The following COL11A2 variants were observed in gnomAD, a reference collection of about 807,000 sequenced individuals.
COL11A2 encodes collagen type XI alpha 2 chain, also known as collagen alpha-2(XI) chain.
In COL11A2, 116 loss-of-function variants were observed where a neutral mutation model predicts 273.4. That is an observed-to-expected ratio of 0.42 (90% CI 0.36 to 0.49). COL11A2 has a LOEUF of 0.49. Ranked by LOEUF, COL11A2 falls within the 20% of genes least tolerant of loss-of-function variation. The probability of loss-of-function intolerance (pLI) is 0.00; values close to 1 mark genes in which losing one functional copy is unlikely to be tolerated. For missense variants in COL11A2, 1,866 were observed against 2,309.0 expected (o/e 0.81, Z 3.93); for synonymous variants, 782 against 864.2 (o/e 0.90, Z 1.67).
Position 33,173,264 on chromosome 6 carries a change from G to T in COL11A2, c.2736+84C>A. 6.4e-7 allele frequency: 1 copy of T among 1,572,836 alleles called. No homozygotes were observed. The highest frequency in any genetic ancestry group is 8.7e-7 in the Non-Finnish European group (1 of 1,151,150). ...GCAGGCTCCACTCTGCCAGGAGAAC[G>T]TCCCTGTGGGCTTTCCAGACAGCTC... On this transcript the variant is annotated intron_variant, in intron 37 of 65. Coordinates refer to ENST00000341947, the MANE Select transcript of COL11A2 (RefSeq NM_080680.3). The surrounding 1 kb of genome is among the most constrained non-coding windows in gnomAD (Gnocchi z 6.3).
At position 33,164,781 on chromosome 6, in the gene COL11A2, C is replaced by A; in HGVS notation, c.4863+71G>T. 1 of 1,399,552 alleles carries A rather than the reference C, an allele frequency of 7.1e-7. No individual in the cohort carries two copies. The highest frequency in any genetic ancestry group is 9.9e-7 in the Non-Finnish European group (1 of 1,014,272). The allele number at this position is 1,399,552 out of a possible 1,614,324, so 86.7% of individuals were successfully genotyped here. A position where few individuals can be genotyped will look rare whatever the true frequency, so the allele number is the denominator to read the frequency against. ...AACAGCCAGGGGACTGTCACCAAAA[C>A]CCAGAAACCACTAAGCCCTGAGGGG... is the stretch of plus-strand genomic sequence containing the variant. On this transcript the variant is annotated intron_variant, in intron 64 of 65. Transcript: ENST00000341947. The surrounding 1 kb of genome is among the most constrained non-coding windows in gnomAD (Gnocchi z 4.7).
Position 33,173,674 on chromosome 6 carries a change from G to A in COL11A2, c.2628+27C>T, listed in dbSNP as rs752140034. 3 of 1,562,750 alleles carry A rather than the reference G, an allele frequency of 1.9e-6. No individual in the cohort carries two copies. The South Asian group carries it at 3.6e-5, about 19-fold the overall frequency. ...ACCCAGGCTCCCTGGGGACCTCAGG[G>A]GAAGGGGACTTTCGATCCACACTCA... On this transcript the variant is annotated intron_variant, in intron 35 of 65. Transcript: ENST00000341947. The surrounding 1 kb of genome is among the most constrained non-coding windows in gnomAD (Gnocchi z 6.3).
In COL11A2 at chr6:33,176,001, G is replaced by T; in HGVS notation, c.2268+15C>A. 1 of 1,612,956 alleles carries T rather than the reference G, an allele frequency of 6.2e-7. No individual in the cohort carries two copies. Among genetic ancestry groups the T allele is most frequent in the African/African-American group, 1.3e-5 (1 of 75,008 alleles). On this transcript the variant is annotated intron_variant, in intron 29 of 65. Coordinates refer to ENST00000341947, the MANE Select transcript of COL11A2 (RefSeq NM_080680.3). The surrounding 1 kb of genome is among the most constrained non-coding windows in gnomAD (Gnocchi z 4.9). ...TAGAACACGGAATTGGGGCCAGTGT[G>T]GGGTCTCTACTCACCCTGTCACCTT...
At position 33,169,157 on chromosome 6, in the gene COL11A2, G is replaced by A. The variant is rs1043795966; in HGVS notation, c.3799-149C>T. 1.5e-5 allele frequency: 12 copies of A among 789,876 alleles called. No individual in the cohort carries two copies. Among genetic ancestry groups the A allele is most frequent in the South Asian group, 1.0e-4 (6 of 57,236 alleles). The allele number at this position is 789,876 out of a possible 1,614,324, so 48.9% of individuals were successfully genotyped here. On this transcript the variant is annotated intron_variant, in intron 51 of 65. Transcript: ENST00000341947. The surrounding 1 kb of genome is among the most constrained non-coding windows in gnomAD (Gnocchi z 5.5). ...TCTCCTGCACCCCTTTCCCTACCACGTGCACTGCGTGTTGTCTAATTCCTC... is the reference window on the plus strand; with the variant it reads ...TCTCCTGCACCCCTTTCCCTACCACATGCACTGCGTGTTGTCTAATTCCTC...
chr6:33,185,393 C>G (rs1583371158), intron 6 of COL11A2, among the ~76,000 whole-genome samples: 1 of 152,018 alleles, frequency 6.6e-6, no homozygotes, highest in Admixed American at 6.5e-5. Flanking sequence ...TGGGTCAAAG[C>G]CTGCAGTTGG....
Position 33,190,370 on chromosome 6 carries a change from T to A in COL11A2, c.83-901A>T, listed in dbSNP as rs1259973474. Reference sequence around the variant, plus strand: ...CACCACCCCCACCAACCCCACCACCTGGGACCCAAAGATTCAAGATCCAGC... The same window carrying A: ...CACCACCCCCACCAACCCCACCACCAGGGACCCAAAGATTCAAGATCCAGC... On this transcript the variant is annotated intron_variant, in intron 1 of 65. Transcript: ENST00000341947. This position sits in a 1 kb window ranked among gnomAD's most constrained non-coding sequence, Gnocchi z 4.5. Among the ~76,000 whole-genome samples the A allele has an allele frequency of 6.6e-6, 1 of 151,992 alleles. No homozygotes were observed. Among genetic ancestry groups the A allele is most frequent in the South Asian group, 2.1e-4 (1 of 4,818 alleles).
chr6:33,185,109 G>T, intron 6 of COL11A2, 55 bp from the exon 7 acceptor site: 1 of 1,383,718 alleles, frequency 7.2e-7, no homozygotes, highest in Non-Finnish European at 1.0e-6. Context: ...GAAGGAGAAA[G>T]GTTAGCAGAA....
intron 11 of COL11A2, 90 bp from the exon 12 acceptor site, chr6:33,180,422 A>G (rs1020223558): frequency 2.2e-5 from 26 of 1,175,440 alleles, no homozygotes; most frequent in African/African-American, 7.6e-5. Flanking sequence ...CTTCAACAGA[A>G]TAAGTGTAGA....
chr6:33,166,559 G>A lies in COL11A2; in HGVS notation c.4346C>T (p.Pro1449Leu), dbSNP rs746796305. 1 of 1,613,750 alleles carries A rather than the reference G, an allele frequency of 6.2e-7. No homozygotes were observed. The highest frequency in any genetic ancestry group is 8.5e-7 in the Non-Finnish European group (1 of 1,179,832). Residue 1449 changes from proline (P) to leucine (L), a missense_variant, in exon 60 of 66, where the codon CCA becomes CTA. By Grantham distance (98) the Pro-to-Leu change is moderately conservative. Coordinates refer to ENST00000341947, the MANE Select transcript of COL11A2 (RefSeq NM_080680.3). This position sits in a 1 kb window ranked among gnomAD's most constrained non-coding sequence, Gnocchi z 4.8. ...SPGQKGEMGIPGASGPIGPGG... is the reference protein window; with the variant it reads ...SPGQKGEMGILGASGPIGPGG... ...AGGACCAATGGGGCCGGATGCTCCT[G>A]GGATACCCTAGGAAGGGTAGTGGCT...
In COL11A2 at chr6:33,176,898, C is replaced by T; in HGVS notation, c.2070+94G>A. ...GTCCATGGACAAGCACCACCAGTGA[C>T]CTTTCAGTGCAAGGGTCACTAAAGG... On this transcript the variant is annotated intron_variant, in intron 25 of 65. Transcript: ENST00000341947. The surrounding 1 kb of genome is among the most constrained non-coding windows in gnomAD (Gnocchi z 4.9). The T allele has an allele frequency of 6.5e-7, 1 of 1,537,346 alleles. No homozygotes were observed. Among genetic ancestry groups the T allele is most frequent in the Non-Finnish European group, 8.9e-7 (1 of 1,127,074 alleles).
chr6:33,165,404 TG>T lies in COL11A2; in HGVS notation c.4750+144del. ...CTAAAGTATTGGGATACTTCTGACC[TG>T]GTTAGTAAATAGCTGCAGTTCCCAG... On this transcript the variant is annotated intron_variant, in intron 63 of 65. Transcript: ENST00000341947. The surrounding 1 kb of genome is among the most constrained non-coding windows in gnomAD (Gnocchi z 7.7). 1 of 1,251,928 alleles carries T rather than the reference TG, an allele frequency of 8.0e-7. No homozygotes were observed. The highest frequency in any genetic ancestry group is 1.1e-6 in the Non-Finnish European group (1 of 873,112). The allele number at this position is 1,251,928 out of a possible 1,614,324, so 77.6% of individuals were successfully genotyped here. A position where few individuals can be genotyped will look rare whatever the true frequency, so the allele number is the denominator to read the frequency against.
At position 33,189,121 on chromosome 6, in the gene COL11A2, G is replaced by C. The variant is rs773467866; in HGVS notation, c.300C>G (p.Leu100=). ...VRTRPGLQAP[L]LTLYSAQGVR... ...CACCCTGGGCACTGTAGAGAGTCAGGAGGGGAGCTTGGAGACCAGGGCGGG... is the reference window on the plus strand; with the variant it reads ...CACCCTGGGCACTGTAGAGAGTCAGCAGGGGAGCTTGGAGACCAGGGCGGG... Residue 100 remains leucine, a synonymous_variant, in exon 3 of 66, where the codon CTC becomes CTG. Transcript: ENST00000341947. The surrounding 1 kb of genome is among the most constrained non-coding windows in gnomAD (Gnocchi z 5.6). 6.8e-6 allele frequency: 11 copies of C among 1,614,150 alleles called. No individual in the cohort carries two copies. The highest frequency in any genetic ancestry group is 2.2e-5 in the East Asian group (1 of 44,882).
chr6:33,171,097 G>T lies in COL11A2; in HGVS notation c.3366+17C>A, dbSNP rs757298504. On this transcript the variant is annotated intron_variant, in intron 45 of 65. Coordinates refer to ENST00000341947, the MANE Select transcript of COL11A2 (RefSeq NM_080680.3). ...AGAGGCTGCTGGGCCTTCGGTGGGGGTGGAGGGGTCACTCACCGCTGCTCC... is the reference window on the plus strand; with the variant it reads ...AGAGGCTGCTGGGCCTTCGGTGGGGTTGGAGGGGTCACTCACCGCTGCTCC... The T allele has an allele frequency of 6.4e-6, 10 of 1,574,400 alleles. No individual in the cohort carries two copies. In the South Asian group the frequency reaches 1.0e-4, roughly 16 times the overall value.
Position 33,170,275 on chromosome 6 carries a change from G to T in COL11A2, c.3582+51C>A. 6.3e-7 allele frequency: 1 copy of T among 1,596,960 alleles called. No individual in the cohort carries two copies. Among genetic ancestry groups the T allele is most frequent in the Non-Finnish European group, 8.6e-7 (1 of 1,167,068 alleles). On this transcript the variant is annotated intron_variant, in intron 48 of 65. Transcript: ENST00000341947. This position sits in a 1 kb window ranked among gnomAD's most constrained non-coding sequence, Gnocchi z 4.3. ...AGAGTTTATGGTCTGGGAAAGGGAGGCAGAAGACCAGACACATTGGTCTCA... is the reference window on the plus strand; with the variant it reads ...AGAGTTTATGGTCTGGGAAAGGGAGTCAGAAGACCAGACACATTGGTCTCA...
At position 33,166,020 on chromosome 6, in the gene COL11A2, G is replaced by A. The variant is rs1162681744; in HGVS notation, c.4429-36C>T. The A allele has an allele frequency of 1.2e-6, 2 of 1,613,656 alleles. No homozygotes were observed. Among genetic ancestry groups the A allele is most frequent in the Non-Finnish European group, 1.7e-6 (2 of 1,179,848 alleles). ...ATAAATCAGGTCATGGAGGGGTCAA[G>A]AGGTCAAGCATGGATCAAGGTCACA... On this transcript the variant is annotated intron_variant, in intron 61 of 65. Coordinates refer to ENST00000341947, the MANE Select transcript of COL11A2 (RefSeq NM_080680.3). This position sits in a 1 kb window ranked among gnomAD's most constrained non-coding sequence, Gnocchi z 4.8.
intron 1 of COL11A2, 117 bp downstream of exon 1, chr6:33,192,042 C>G: frequency 1.0e-6 from 1 of 969,110 alleles, no homozygotes; most frequent in Non-Finnish European, 1.6e-6. Flanking sequence ...GCCTTGAAGC[C>G]CCAAATCTCC....
chr6:33,178,869 C>T lies in COL11A2; in HGVS notation c.1665+51G>A. The T allele has an allele frequency of 6.2e-7, 1 of 1,612,516 alleles. No homozygotes were observed. The highest frequency in any genetic ancestry group is 8.5e-7 in the Non-Finnish European group (1 of 1,179,140). ...GGTCATCCCCAAGAAACAACTGAGC[C>T]CAGCGTGGGCTGAAGGCTACAGGCT... On this transcript the variant is annotated intron_variant, in intron 17 of 65. Coordinates refer to ENST00000341947, the MANE Select transcript of COL11A2 (RefSeq NM_080680.3). This position sits in a 1 kb window ranked among gnomAD's most constrained non-coding sequence, Gnocchi z 4.6.
chr6:33,180,247 A>G lies in COL11A2; in HGVS notation c.1359+11T>C. On this transcript the variant is annotated intron_variant, in intron 12 of 65. Transcript: ENST00000341947. ...CCATCAGCATGTTCCAAAACCCAAG[A>G]GACAACTCACTGGGAGCATGAGAGA... 1 of 1,612,448 alleles carries G rather than the reference A, an allele frequency of 6.2e-7. No individual in the cohort carries two copies. Among genetic ancestry groups the G allele is most frequent in the Non-Finnish European group, 8.5e-7 (1 of 1,179,516 alleles).
rs1315185194 is a variant in COL11A2 at position 33,166,080 on chromosome 6, G to C, written c.4428+91C>G. The C allele has an allele frequency of 2.5e-6, 4 of 1,602,118 alleles. No homozygotes were observed. The highest frequency in any genetic ancestry group is 2.6e-6 in the Non-Finnish European group (3 of 1,172,822). On this transcript the variant is annotated intron_variant, in intron 61 of 65. Transcript: ENST00000341947. This position sits in a 1 kb window ranked among gnomAD's most constrained non-coding sequence, Gnocchi z 4.8. ...AATCAGCCTCCTGGCTGGAATAAGG[G>C]GCTCCTTGGGGGGAGTCTATTTGTC...
Sources: gnomAD v4.1 joint callset for allele counts (sites outside exome capture counted in the v4.1 genomes callset) on GRCh38, gnomAD v4.1.1 for gene constraint, Gnocchi (gnomAD v3.1) non-coding constraint, MANE v1.5 for transcripts, NCBI Gene and HGNC (gene_info 2026-07-23, HGNC 2026-07-21) for gene names.